Variants in TBC1D19 observed in about 807,000 individuals in gnomAD.
TBC1D19 encodes TBC1 domain family member 19.
In TBC1D19, 60 loss-of-function variants were observed where a neutral mutation model predicts 89.0. The ratio of observed to expected loss-of-function variants is 0.67; its 90% confidence interval spans 0.55 to 0.84. The LOEUF is 0.84. Among genes scored for constraint, TBC1D19 ranks in the 40% least tolerant of loss-of-function variants. The pLI is 0.00. For missense variants in TBC1D19, 500 were observed against 610.8 expected (o/e 0.82, Z 1.91); for synonymous variants, 189 against 199.7 (o/e 0.95, Z 0.45).
At chr4:26,594,160 A>T (rs35445672) in intron 1 of TBC1D19, among the ~76,000 whole-genome samples, 3 of 151,916 alleles carry the variant, frequency 2.0e-5, no homozygotes, top group Middle Eastern at 3.2e-3. Flanking sequence ...CTATGCAGCC[A>T]TAAAAAATGA....
At chr4:26,678,652 G>A (rs1713062302) in intron 11 of TBC1D19, among the ~76,000 whole-genome samples, 1 of 151,858 alleles carries the variant, frequency 6.6e-6, no homozygotes, top group African/African-American at 2.4e-5. Context: ...ATATGCATTT[G>A]TCTGGTGGGC....
intron 11 of TBC1D19, among the ~76,000 whole-genome samples, chr4:26,678,829 GA>G (rs1202370681): frequency 6.6e-6 from 1 of 152,044 alleles, no homozygotes; most frequent in Non-Finnish European, 1.5e-5. Flanking sequence ...TCTTTTTTAG[GA>G]AACAAAAGGG....
intron 1 of TBC1D19, among the ~76,000 whole-genome samples, chr4:26,608,860 C>T (rs1158895039): frequency 6.6e-6 from 1 of 151,200 alleles, no homozygotes; most frequent in Non-Finnish European, 1.5e-5. Flanking sequence ...AATCATGCTG[C>T]TATAAAGACA....
the TBC1D19 span, among the ~76,000 whole-genome samples, chr4:26,772,243 A>G: frequency 6.6e-6 from 1 of 151,888 alleles, no homozygotes; most frequent in African/African-American, 2.4e-5. Flanking sequence ...ACTATAGGCA[A>G]TTACAAAGGC....
the TBC1D19 span, among the ~76,000 whole-genome samples, chr4:26,780,171 G>T: frequency 6.6e-6 from 1 of 152,180 alleles, no homozygotes; most frequent in African/African-American, 2.4e-5. Flanking sequence ...GAAAAACTGA[G>T]ACCTTAGGAT....
At chr4:26,855,917 A>G in the TBC1D19 span, among the ~76,000 whole-genome samples, 2 of 152,252 alleles carry the variant, frequency 1.3e-5, no homozygotes, top group Non-Finnish European at 2.9e-5. Context: ...CTATATGTAC[A>G]TTGTAGAACA....
At chr4:26,670,418 T>C (rs1170099001) in intron 9 of TBC1D19, among the ~76,000 whole-genome samples, 2 of 151,608 alleles carry the variant, frequency 1.3e-5, no homozygotes, top group Non-Finnish European at 3.0e-5. Context: ...TAAAAAATTA[T>C]CTAATACTGA....
At chr4:26,584,066 G>A, upstream of TBC1D19, 1 of 888,138 alleles carries the variant, frequency 1.1e-6, no homozygotes, top group Non-Finnish European at 1.7e-6. Flanking sequence ...GCCTGGTAAC[G>A]CCCGCTGGAG....
At chr4:26,838,251 G>A in the TBC1D19 span, among the ~76,000 whole-genome samples, 38 of 152,260 alleles carry the variant, frequency 2.5e-4, no homozygotes, top group African/African-American at 8.9e-4. Flanking sequence ...GTATGTATAC[G>A]AAGCTGGCTC....
At chr4:26,804,334 C>T in the TBC1D19 span, among the ~76,000 whole-genome samples, 46 of 152,186 alleles carry the variant, frequency 3.0e-4, no homozygotes, top group African/African-American at 1.1e-3. Flanking sequence ...TTAGTAGAGA[C>T]GGGGTTTCAC....
chr4:26,580,533 TTGACATCAATA>T (rs1423253804), upstream of TBC1D19, among the ~76,000 whole-genome samples: 5 of 152,306 alleles, frequency 3.3e-5, no homozygotes, highest in African/African-American at 1.2e-4. Context: ...TGACAGGTAA[TTGACATCAATA>T]TGACCTCGTT....
At chr4:26,845,625 C>G in the TBC1D19 span, among the ~76,000 whole-genome samples, 1 of 152,158 alleles carries the variant, frequency 6.6e-6, no homozygotes, top group East Asian at 1.9e-4. Flanking sequence ...AGTCTTTTCT[C>G]ATGCTGCTAC....
intron 1 of TBC1D19, among the ~76,000 whole-genome samples, chr4:26,611,344 T>C (rs1435797059): frequency 1.3e-5 from 2 of 152,138 alleles, no homozygotes; most frequent in Admixed American, 6.6e-5. Context: ...CTTCCTTTCT[T>C]TTTCCTTACA....
intron 4 of TBC1D19, 45 bp downstream of exon 4, chr4:26,620,733 T>G (rs1285102596): frequency 6.4e-7 from 1 of 1,559,212 alleles, no homozygotes; most frequent in Non-Finnish European, 8.8e-7. Flanking sequence ...TGCCAAGTTA[T>G]GTAATACAGA....
At chr4:26,842,767 T>G in the TBC1D19 span, among the ~76,000 whole-genome samples, 2 of 151,826 alleles carry the variant, frequency 1.3e-5, no homozygotes, top group Admixed American at 6.6e-5. Flanking sequence ...CCTCCCCAAA[T>G]GCTGGGATTA....
At chr4:26,656,576 T>G (rs1283863161) in intron 7 of TBC1D19, among the ~76,000 whole-genome samples, 2 of 152,096 alleles carry the variant, frequency 1.3e-5, no homozygotes, top group Non-Finnish European at 1.5e-5. Flanking sequence ...TTTTTTTTTT[T>G]GAGATGGAGT....
At chr4:26,711,445 TTA>T (rs1716183179) in intron 13 of TBC1D19, among the ~76,000 whole-genome samples, 1 of 152,102 alleles carries the variant, frequency 6.6e-6, no homozygotes, top group Non-Finnish European at 1.5e-5. Flanking sequence ...ATTGCCCAAT[TTA>T]TATGTCATTT....
intron 7 of TBC1D19, among the ~76,000 whole-genome samples, chr4:26,640,391 C>T (rs1015814649): frequency 1.2e-4 from 18 of 152,264 alleles, no homozygotes; most frequent in African/African-American, 4.1e-4. Context: ...TTGAGTAAAT[C>T]AGTTAGGATA....
At chr4:26,585,271 A>T in intron 1 of TBC1D19, 1 of 404,372 alleles carries the variant, frequency 2.5e-6, no homozygotes, top group Non-Finnish European at 4.9e-6. Flanking sequence ...CAATTCTGAG[A>T]GTTCCAATTG....
Sources: gnomAD v4.1 joint callset for allele counts (sites outside exome capture counted in the v4.1 genomes callset) on GRCh38, gnomAD v4.1.1 for gene constraint, MANE v1.5 for transcripts, NCBI Gene and HGNC (gene_info 2026-07-23, HGNC 2026-07-21) for gene names.